TRPM1: variants seen among roughly 807,000 people sequenced by gnomAD.
TRPM1 encodes TRPM1-203 APA Isoform, Intron 10.
A neutral mutation model predicts 149.4 loss-of-function variants in TRPM1; 113 were observed. The ratio of observed to expected loss-of-function variants is 0.76; its 90% confidence interval spans 0.65 to 0.88. The LOEUF (loss-of-function observed/expected upper bound fraction) is 0.88, where lower values mean the gene tolerates loss of function less well. TRPM1 is among the 40% of genes least tolerant of loss of function. The probability of loss-of-function intolerance (pLI) is 0.00; values close to 1 mark genes in which losing one functional copy is unlikely to be tolerated. For missense variants in TRPM1, 1,976 were observed against 2,038.7 expected (o/e 0.97, Z 0.59); for synonymous variants, 741 against 759.5 (o/e 0.98, Z 0.40).
chr15:31,125,682 A>C (rs1399945476), intron 1 of TRPM1, among the ~76,000 whole-genome samples: 4 of 126,154 alleles, frequency 3.2e-5, no homozygotes, highest in African/African-American at 9.1e-5. Flanking sequence ...GTGAGCCGAG[A>C]TCCCGCCACT....
chr15:31,074,149 C>G (rs1391937333), intron 3 of TRPM1, among the ~76,000 whole-genome samples: 1 of 151,986 alleles, frequency 6.6e-6, no homozygotes, highest in Non-Finnish European at 1.5e-5. Context: ...AGATATTGAT[C>G]TATAGTTTTC....
Position 31,040,253 on chromosome 15 carries a change from G to A in TRPM1, c.2181C>T (p.Asn727=). 1 of 1,614,204 alleles carries A rather than the reference G, an allele frequency of 6.2e-7. No homozygotes were observed. The highest frequency in any genetic ancestry group is 8.5e-7 in the Non-Finnish European group (1 of 1,180,042). ...AMKLLTYELK[N]WSNSTCLKLA... ...GTTTGAGGCAGGTCGAGTTGCTCCA[G>A]TTTTTCAGCTCGTAGGTCAGGAGTT... The change falls in exon 18 of 28, where the codon AAC becomes AAT. Residue 727 remains asparagine (N), a synonymous_variant. Transcript: ENST00000256552. The surrounding 1 kb of genome is among the most constrained non-coding windows in gnomAD (Gnocchi z 4.2).
Position 31,133,643 on chromosome 15 carries a change from C to T in TRPM1, c.54+27263G>A, listed in dbSNP as rs116291039. On this transcript the variant is annotated intron_variant, in intron 1 of 26. Transcript: ENST00000542188. ...GTTACAGTGAGCCAAGATTGTACCA[C>T]GACACTCCAGCCTAGGTGACAGAGC... Among the ~76,000 whole-genome samples the T allele has an allele frequency of 7.3e-3, 1,105 of 151,006 alleles. 23 individuals are homozygous for T. The highest frequency in any genetic ancestry group is 0.026 in the African/African-American group (1,051 of 41,038).
chr15:31,151,126 C>T (rs2036298082), intron 1 of TRPM1, among the ~76,000 whole-genome samples: 1 of 152,122 alleles, frequency 6.6e-6, no homozygotes, highest in Non-Finnish European at 1.5e-5. Flanking sequence ...TCCCTCCAAC[C>T]TCACCCTTTA....
chr15:31,095,216 G>C (rs1044801048), intron 1 of TRPM1, among the ~76,000 whole-genome samples: 1 of 152,200 alleles, frequency 6.6e-6, no homozygotes, highest in Non-Finnish European at 1.5e-5. Context: ...CAAGGCCACA[G>C]GGAGAGGAAA....
rs2036018696 is a variant in TRPM1 at position 31,131,766 on chromosome 15, G to A, written c.54+29140C>T. On this transcript the variant is annotated intron_variant, in intron 1 of 26. Transcript: ENST00000542188. ...GTGGAAGCAGTGAGTGGGTGGCCAG[G>A]GGAGTCAGGGCACTTGGGCCCCCAG... Among the ~76,000 whole-genome samples the A allele has an allele frequency of 2.0e-5, 3 of 152,164 alleles. No individual in the cohort carries two copies. In the South Asian group the frequency reaches 6.2e-4, roughly 32 times the overall value.
At chr15:31,034,863 A>G (rs2033276766) in intron 21 of TRPM1, among the ~76,000 whole-genome samples, 1 of 152,224 alleles carries the variant, frequency 6.6e-6, no homozygotes, top group Non-Finnish European at 1.5e-5. Flanking sequence ...ACCTGTTTTC[A>G]TTATTAAATA....
chr15:31,050,575 C>T lies in TRPM1; in HGVS notation c.1271G>A (p.Gly424Glu), dbSNP rs1183287038. The change falls in exon 12 of 28, where the codon GGA (glycine) becomes GAA (glutamate). Residue 424 changes from glycine (G) to glutamate (E), a missense_variant. Physicochemically the swap from Gly to Glu is moderately conservative, Grantham distance 98 (BLOSUM62 -2). Around this residue, in one of 3 missense-constraint regions of TRPM1, gnomAD observed 1,332 missense variants for 1,347.1 expected, o/e 0.99. Coordinates refer to ENST00000256552, the MANE Select transcript of TRPM1 (RefSeq NM_001252024.2). ...FVFGPHWPPL[G>E]SLAPPTDSKA... Reference sequence around the variant, plus strand: ...GCTGTCCGTCGGGGGTGCCAGGCTTCCCAGGGGCTGCAGTCCACAGCAATC... The same window carrying T: ...GCTGTCCGTCGGGGGTGCCAGGCTTTCCAGGGGCTGCAGTCCACAGCAATC... 4.3e-6 allele frequency: 7 copies of T among 1,614,016 alleles called. No homozygotes were observed. The South Asian group carries it at 5.5e-5, about 13-fold the overall frequency.
rs2033072497 is a variant in TRPM1, at chr15:31,031,408, G to A, written c.2953-251C>T. The A allele has an allele frequency of 5.2e-6, 3 of 573,050 alleles. No individual in the cohort carries two copies. In the South Asian group the frequency reaches 6.6e-5, roughly 13 times the overall value. The allele number at this position is 573,050 out of a possible 1,614,324, so 35.5% of individuals were successfully genotyped here. On this transcript the variant is annotated intron_variant, in intron 22 of 27. Coordinates refer to ENST00000256552, the MANE Select transcript of TRPM1 (RefSeq NM_001252024.2). ...TCATCCTTCTTGCTTCTTCTCTGTT[G>A]TTGCCCATAAACACATGTCCCTTAG...
chr15:31,073,270 G>C (rs545339812), intron 3 of TRPM1, among the ~76,000 whole-genome samples: 96 of 152,120 alleles, frequency 6.3e-4, no homozygotes, highest in African/African-American at 2.2e-3. Context: ...CTACTATTTC[G>C]CCATTGAAAG....
intron 11 of TRPM1, among the ~76,000 whole-genome samples, chr15:31,059,407 T>C (rs965913616): frequency 3.3e-5 from 5 of 152,114 alleles, no homozygotes; most frequent in African/African-American, 9.7e-5. Context: ...TTGCATTGTT[T>C]TTTGTTTTAT....
At chr15:31,071,239 C>G (rs1056721250) in intron 3 of TRPM1, among the ~76,000 whole-genome samples, 2 of 152,128 alleles carry the variant, frequency 1.3e-5, no homozygotes, top group African/African-American at 4.8e-5. Context: ...GGAGTGATGC[C>G]TTGGTGGAGA....
chr15:31,088,755 G>A (rs141164650), intron 1 of TRPM1, among the ~76,000 whole-genome samples: 177 of 151,018 alleles, frequency 1.2e-3, no homozygotes, highest in African/African-American at 4.1e-3. Flanking sequence ...TGCTACCTGT[G>A]GGAACGTTCC....
intron 27 of TRPM1, among the ~76,000 whole-genome samples, chr15:31,018,211 C>G (rs2032437377): frequency 6.6e-6 from 1 of 151,678 alleles, no homozygotes; most frequent in Non-Finnish European, 1.5e-5. Flanking sequence ...GCCACCACGC[C>G]TGGCAATTTT....
At chr15:31,035,983 CTT>C (rs1483384037) in intron 20 of TRPM1, 6 of 426,150 alleles carry the variant, frequency 1.4e-5, no homozygotes, top group South Asian at 4.3e-5. Flanking sequence ...TAACGGGAAA[CTT>C]TTAATAGTTT....
chr15:31,151,272 T>C (rs1019563854), intron 1 of TRPM1, among the ~76,000 whole-genome samples: 3 of 152,102 alleles, frequency 2.0e-5, no homozygotes, highest in African/African-American at 7.2e-5. Flanking sequence ...AATACCTCAG[T>C]TGTTTACCGT....
chr15:31,065,331 T>G (rs562274360), intron 7 of TRPM1, among the ~76,000 whole-genome samples: 2 of 152,168 alleles, frequency 1.3e-5, no homozygotes, highest in Non-Finnish European at 2.9e-5. Context: ...CAATGACCAT[T>G]CGCCAGGACT....
chr15:31,081,738 CA>C, intron 1 of TRPM1, among the ~76,000 whole-genome samples: 2 of 152,168 alleles, frequency 1.3e-5, no homozygotes, highest in Non-Finnish European at 2.9e-5. Flanking sequence ...GAGAGCTCAA[CA>C]TCTCCTAATG....
intron 1 of TRPM1, among the ~76,000 whole-genome samples, chr15:31,107,989 C>T (rs967330432): frequency 1.3e-5 from 2 of 151,920 alleles, no homozygotes; most frequent in African/African-American, 4.8e-5. Context: ...TCTCAAGTAG[C>T]TGGGATTATA....
Sources: allele counts gnomAD v4.1 joint callset (sites outside exome capture counted in the v4.1 genomes callset), GRCh38; gene constraint gnomAD v4.1.1; regional missense constraint gnomAD v4.1.1; non-coding constraint Gnocchi (gnomAD v3.1); transcripts MANE v1.5; gene names NCBI Gene and HGNC (gene_info 2026-07-23, HGNC 2026-07-21).